The following ATP2C2 variants were observed in gnomAD, a reference collection of about 807,000 sequenced individuals.
The protein encoded by ATP2C2 is ATPase secretory pathway Ca2+ transporting 2, also known as calcium-transporting ATPase type 2C member 2.
A neutral mutation model predicts 110.8 loss-of-function variants in ATP2C2; 171 were observed. The observed-to-expected ratio is 1.54, with a 90% CI of 1.36 to 1.75. The LOEUF is 1.75. ATP2C2 is among the 40% of genes most tolerant of loss of function. The pLI is 0.00. For missense variants in ATP2C2, 1,963 were observed against 1,235.0 expected, an observed-to-expected ratio of 1.59 and a Z score of -8.84; for synonymous variants, 804 against 508.4, an observed-to-expected ratio of 1.58 and a Z score of -7.82.
chr16:84,430,035 A>G (rs760355602), intron 11 of ATP2C2, among the ~76,000 whole-genome samples: 1 of 152,028 alleles, frequency 6.6e-6, no homozygotes, highest in Admixed American at 6.6e-5. Context: ...TCTTCTTTTT[A>G]TAAGGACGCC....
intron 24 of ATP2C2, 198 bp downstream of exon 24, chr16:84,460,999 C>A: frequency 1.4e-6 from 1 of 728,604 alleles, no homozygotes; most frequent in Non-Finnish European, 2.1e-6. Flanking sequence ...GGGAGGTCGC[C>A]AGGTGTGTGC....
intron 7 of ATP2C2, among the ~76,000 whole-genome samples, chr16:84,418,065 G>A (rs1464042118): frequency 6.6e-6 from 1 of 152,136 alleles, no homozygotes; most frequent in African/African-American, 2.4e-5. Context: ...TCAGTCAGAG[G>A]CTGAGCTGGT....
Position 84,376,274 on chromosome 16 carries a change from C to T in ATP2C2, c.99+7560C>T, listed in dbSNP as rs921802504. On this transcript the variant is annotated intron_variant, in intron 1 of 26. Transcript: ENST00000262429. ...GAAGGCAGGTGAGGCGATGAGGTTG[C>T]CATGAGGGCAGGACTGGCTACAGAA... 3.3e-5 allele frequency among the ~76,000 whole-genome samples: 5 copies of T among 152,130 alleles called. No individual in the cohort carries two copies. In the East Asian group the frequency reaches 9.6e-4, roughly 29 times the overall value.
intron 7 of ATP2C2, 85 bp downstream of exon 7, chr16:84,415,676 G>T: frequency 9.1e-7 from 1 of 1,101,998 alleles, no homozygotes; most frequent in Non-Finnish European, 1.3e-6. Context: ...GGCATGTATA[G>T]TCTCTCTCAT....
intron 1 of ATP2C2, among the ~76,000 whole-genome samples, chr16:84,398,082 C>CTG (rs1480863835): frequency 6.6e-6 from 1 of 151,610 alleles, no homozygotes; most frequent in Non-Finnish European, 1.5e-5. Flanking sequence ...CATATGCACA[C>CTG]TGTGTGTGTG....
intron 16 of ATP2C2, among the ~76,000 whole-genome samples, chr16:84,447,763 AAAT>A (rs1397418396): frequency 2.8e-5 from 4 of 141,866 alleles, no homozygotes; most frequent in South Asian, 2.1e-4. Flanking sequence ...ATATACATAT[AAAT>A]AATATAATGT....
Position 84,462,294 on chromosome 16 carries a change from C to T in ATP2C2, c.2722+165C>T, listed in dbSNP as rs1001747390. On this transcript the variant is annotated intron_variant, in intron 26 of 26. Transcript: ENST00000262429. ...CCTTCTGTCCTCACAGGAAGGGACT[C>T]TAACGTGGGTGATGTGACGGATGCA... 1.6e-5 allele frequency: 14 copies of T among 869,588 alleles called. No homozygotes were observed. The African/African-American group carries it at 2.4e-4, about 15-fold the overall frequency. The allele number at this position is 869,588 out of a possible 1,614,324, so 53.9% of individuals were successfully genotyped here. A position where few individuals can be genotyped will look rare whatever the true frequency, so the allele number is the denominator to read the frequency against.
At chr16:84,375,810 A>G (rs1910216269) in intron 1 of ATP2C2, among the ~76,000 whole-genome samples, 1 of 152,252 alleles carries the variant, frequency 6.6e-6, no homozygotes, top group Admixed American at 6.5e-5. Flanking sequence ...AATCTTGTGC[A>G]TTTTCCAAAT....
chr16:84,390,453 C>A (rs1348496508), intron 1 of ATP2C2, among the ~76,000 whole-genome samples: 2 of 152,184 alleles, frequency 1.3e-5, no homozygotes, highest in Non-Finnish European at 2.9e-5. Flanking sequence ...TAGGCCGTTT[C>A]CTTGGGGCTA....
intron 6 of ATP2C2, among the ~76,000 whole-genome samples, chr16:84,411,375 G>A (rs147331271): frequency 1.3e-3 from 196 of 152,324 alleles, no homozygotes; most frequent in Non-Finnish European, 2.5e-3. Context: ...GTAGCCCTGT[G>A]TGATAGAACT....
chr16:84,448,633 A>G lies in ATP2C2; in HGVS notation c.1604A>G (p.Gln535Arg). The change falls in exon 17 of 27, where the codon CAG (glutamine) becomes CGG (arginine). Residue 535 changes from glutamine (Q) to arginine (R), a missense_variant. Physicochemically the swap from Gln to Arg is conservative, Grantham distance 43. Coordinates refer to ENST00000262429, the MANE Select transcript of ATP2C2 (RefSeq NM_014861.4). ...NGGIPLPLTP[Q>R]QRSFCLQEEK... ...GGCATCCCCCTGCCGCTGACGCCCCAGCAGAGGTCATTCTGCCTGCAGGAA... is the reference window on the plus strand; with the variant it reads ...GGCATCCCCCTGCCGCTGACGCCCCGGCAGAGGTCATTCTGCCTGCAGGAA... 1.2e-6 allele frequency: 2 copies of G among 1,613,994 alleles called. No individual in the cohort carries two copies. The highest frequency in any genetic ancestry group is 2.7e-5 in the African/African-American group (2 of 75,062).
chr16:84,385,146 G>A (rs1390856347), intron 1 of ATP2C2, among the ~76,000 whole-genome samples: 6 of 152,180 alleles, frequency 3.9e-5, no homozygotes, highest in Non-Finnish European at 1.5e-5. Context: ...TGTACAGGAA[G>A]CACAGTGGCT....
intron 1 of ATP2C2, among the ~76,000 whole-genome samples, chr16:84,378,250 C>A: frequency 2.0e-5 from 3 of 152,210 alleles, no homozygotes; most frequent in Admixed American, 2.0e-4. Context: ...GGGCTCTGGG[C>A]GTAGGGGAAG....
intron 1 of ATP2C2, among the ~76,000 whole-genome samples, chr16:84,379,455 T>C (rs1308774668): frequency 6.6e-6 from 1 of 152,218 alleles, no homozygotes; most frequent in East Asian, 1.9e-4. Flanking sequence ...CGTGAGCCAC[T>C]GTGCCTGGCT....
At chr16:84,403,502 C>T (rs1337551255) in intron 2 of ATP2C2, among the ~76,000 whole-genome samples, 1 of 151,982 alleles carries the variant, frequency 6.6e-6, no homozygotes, top group Non-Finnish European at 1.5e-5. Flanking sequence ...GAGCCAAGAT[C>T]ATGCTATATT....
Position 84,422,649 on chromosome 16 carries a change from G to A in ATP2C2, c.795G>A (p.Gly265=), listed in dbSNP as rs757358182. The part of the protein sequence containing the change: ...GRGQGVVIGT[G]ESSQFGEVFK... ...CACAGGGGGTCGTGATTGGAACAGGGGAAAGCTCTCAGTTCGGAGAAGTGT... is the reference window on the plus strand; with the variant it reads ...CACAGGGGGTCGTGATTGGAACAGGAGAAAGCTCTCAGTTCGGAGAAGTGT... Residue 265 remains glycine, a synonymous_variant, in exon 9 of 27, where the codon GGG becomes GGA. Coordinates refer to ENST00000262429, the MANE Select transcript of ATP2C2 (RefSeq NM_014861.4). 1.1e-5 allele frequency: 18 copies of A among 1,613,524 alleles called. No individual in the cohort carries two copies. The East Asian group carries it at 3.6e-4, about 32-fold the overall frequency.
At chr16:84,398,725 C>G (rs1905139992) in intron 2 of ATP2C2, 116 bp downstream of exon 2, 1 of 812,966 alleles carries the variant, frequency 1.2e-6, no homozygotes, top group Admixed American at 3.2e-5. Context: ...ATTTTATCAT[C>G]AAGGTTGGAA....
chr16:84,460,365 G>T, intron 23 of ATP2C2: 1 of 473,252 alleles, frequency 2.1e-6, no homozygotes, highest in African/African-American at 2.0e-5. Context: ...GTCCCCTCGG[G>T]GTGATGGAGA....
chr16:84,370,894 C>T (rs970449187), intron 1 of ATP2C2, among the ~76,000 whole-genome samples: 17 of 152,102 alleles, frequency 1.1e-4, no homozygotes, highest in African/African-American at 4.1e-4. Flanking sequence ...GGCCTCTTAC[C>T]TCCAAGGTAA....
Sources: allele counts gnomAD v4.1 joint callset (sites outside exome capture counted in the v4.1 genomes callset), GRCh38; gene constraint gnomAD v4.1.1; transcripts MANE v1.5; gene names NCBI Gene and HGNC (gene_info 2026-07-23, HGNC 2026-07-21).